Variants in PLAGL1 observed in about 807,000 individuals in gnomAD.
PLAGL1 encodes zinc finger protein PLAGL1.
Under a neutral mutation model 4.6 loss-of-function variants are expected in PLAGL1, and 1 was observed. The ratio of observed to expected loss-of-function variants is 0.22; its 90% CI spans 0.08 to 1.03. The LOEUF (loss-of-function observed/expected upper bound fraction) is 1.03, where lower values mean the gene tolerates loss of function less well. Among genes scored for constraint, PLAGL1 ranks in the 50% least tolerant of loss-of-function variants. PLAGL1 has a pLI of 0.58. For synonymous variants in PLAGL1, 240 were observed against 237.8 expected (o/e 1.01, Z -0.08); for missense variants, 464 against 570.4 (o/e 0.81, Z 1.90).
chr6:144,023,497 T>G (rs181864879), intron 1 of PLAGL1, among the ~76,000 whole-genome samples: 2 of 152,230 alleles, frequency 1.3e-5, no homozygotes, highest in East Asian at 3.9e-4. Flanking sequence ...CTGATCTAAG[T>G]AACTTTGGAA....
chr6:143,985,376 G>A lies in PLAGL1; in HGVS notation c.-583-202C>T, dbSNP rs1180856871. On this transcript the variant is annotated intron_variant, in intron 1 of 7. Transcript: ENST00000674357. This position sits in a 1 kb window ranked among gnomAD's most constrained non-coding sequence, Gnocchi z 4.4. The stretch of plus-strand genomic sequence containing the variant: ...TTAATACCATCTACTAGTCTATCGC[G>A]ATTTCCCATTTAATTGTATTAGTGT... 6.6e-6 allele frequency among the ~76,000 whole-genome samples: 1 copy of A among 151,986 alleles called. No individual in the cohort carries two copies. The highest frequency in any genetic ancestry group is 6.6e-5 in the Admixed American group (1 of 15,236).
At position 143,942,929 on chromosome 6, in the gene PLAGL1, G is replaced by C. The variant is rs1382183617; in HGVS notation, c.153-266C>G. On this transcript the variant is annotated intron_variant, in intron 7 of 7. Transcript: ENST00000674357. The surrounding 1 kb of genome is among the most constrained non-coding windows in gnomAD (Gnocchi z 7.6). ...TGCCCAGGCTGGAGTGCAGTGGCAC[G>C]ATCATGGCTCACTGCAGCCTCAACG... 6.6e-6 allele frequency among the ~76,000 whole-genome samples: 1 copy of C among 151,752 alleles called. No homozygotes were observed. The highest frequency in any genetic ancestry group is 2.4e-5 in the African/African-American group (1 of 41,276).
chr6:144,052,454 G>C (rs1798643801), intron 1 of PLAGL1, among the ~76,000 whole-genome samples: 1 of 152,192 alleles, frequency 6.6e-6, no homozygotes, highest in African/African-American at 2.4e-5. Context: ...ATTTTGTAGA[G>C]ATCTAATTTT....
rs1234875744 is a variant in PLAGL1, at chr6:144,016,761, T to C, written c.-151+47707A>G. Among the ~76,000 whole-genome samples the C allele has an allele frequency of 1.3e-5, 2 of 152,244 alleles. No homozygotes were observed. Among genetic ancestry groups the C allele is most frequent in the Non-Finnish European group, 2.9e-5 (2 of 68,036 alleles). On this transcript the variant is annotated intron_variant, in intron 1 of 3. Coordinates refer to the PLAGL1 transcript ENST00000437412. This position sits in a 1 kb window ranked among gnomAD's most constrained non-coding sequence, Gnocchi z 4.2. The stretch of plus-strand genomic sequence containing the variant: ...CCACTTGATTACATGCAAATCATAC[T>C]TCAGTAAGTGTCATTAAATTATTTC...
intron 1 of PLAGL1, among the ~76,000 whole-genome samples, chr6:144,038,485 T>C (rs1160814747): frequency 2.0e-5 from 3 of 152,206 alleles, no homozygotes; most frequent in Non-Finnish European, 4.4e-5. Context: ...AGGCTAGCTA[T>C]AGATTAATGA....
rs1783718848 is a variant in PLAGL1 at position 143,963,187 on chromosome 6, A to G, written c.-399+1600T>C. ...GTCTTCTACCTTCTCACATTAATAC[A>G]TGATCTCCCTGGGGGACCCCATGCA... On this transcript the variant is annotated intron_variant, in intron 5 of 7. Coordinates refer to ENST00000674357, the MANE Select transcript of PLAGL1 (RefSeq NM_001317162.2). The surrounding 1 kb of genome is among the most constrained non-coding windows in gnomAD (Gnocchi z 6.1). Among the ~76,000 whole-genome samples, 1 of 152,198 alleles carries G rather than the reference A, an allele frequency of 6.6e-6. No homozygotes were observed. The highest frequency in any genetic ancestry group is 1.5e-5 in the Non-Finnish European group (1 of 68,034).
intron 1 of PLAGL1, among the ~76,000 whole-genome samples, chr6:144,029,082 A>G (rs898673926): frequency 3.2e-4 from 49 of 152,208 alleles, no homozygotes; most frequent in African/African-American, 1.2e-3. Context: ...TATTATTTAT[A>G]CGAGTTGCAT....
At chr6:143,976,414 C>T (rs1043308966) in intron 2 of PLAGL1, among the ~76,000 whole-genome samples, 76 of 150,898 alleles carry the variant, frequency 5.0e-4, no homozygotes, top group African/African-American at 1.8e-3. Context: ...CATCCAAGGC[C>T]TTGATATTAA....
At chr6:144,023,111 C>T (rs897960351) in intron 1 of PLAGL1, among the ~76,000 whole-genome samples, 2 of 152,066 alleles carry the variant, frequency 1.3e-5, no homozygotes, top group Admixed American at 1.3e-4. Flanking sequence ...ATGCATACTG[C>T]TAAGAAAAAG....
At position 143,945,803 on chromosome 6, in the gene PLAGL1, C is replaced by T. The variant is rs1041935683; in HGVS notation, c.152+2182G>A. 6.6e-6 allele frequency among the ~76,000 whole-genome samples: 1 copy of T among 152,156 alleles called. No homozygotes were observed. Among genetic ancestry groups the T allele is most frequent in the Non-Finnish European group, 1.5e-5 (1 of 68,038 alleles). ...ACCGAAAGCATCCTGCCATCTCACA[C>T]TCTTCCAGTCCTTTACTATATCACT... On this transcript the variant is annotated intron_variant, in intron 7 of 7. Coordinates refer to ENST00000674357, the MANE Select transcript of PLAGL1 (RefSeq NM_001317162.2). This position sits in a 1 kb window ranked among gnomAD's most constrained non-coding sequence, Gnocchi z 4.2.
At chr6:144,009,512 GCTTT>G (rs944680427), upstream of PLAGL1, among the ~76,000 whole-genome samples, 1 of 152,102 alleles carries the variant, frequency 6.6e-6, no homozygotes, top group African/African-American at 2.4e-5. Flanking sequence ...GATGGCAATT[GCTTT>G]ATTTATTTTT....
rs1784905180 is a variant in PLAGL1 at position 143,968,879 on chromosome 6, T to G, written c.-472+28A>C. 6.6e-6 allele frequency: 1 copy of G among 151,618 alleles called. No individual in the cohort carries two copies. The highest frequency in any genetic ancestry group is 1.9e-4 in the East Asian group (1 of 5,166). 9.4% of individuals were successfully genotyped at this position (151,618 alleles called of 1,614,324 possible). On this transcript the variant is annotated intron_variant, in intron 3 of 7. Coordinates refer to ENST00000674357, the MANE Select transcript of PLAGL1 (RefSeq NM_001317162.2). The surrounding 1 kb of genome is among the most constrained non-coding windows in gnomAD (Gnocchi z 6.3). The stretch of plus-strand genomic sequence containing the variant: ...TGGCAGGAGCACTGGGGGGCAGGAG[T>G]TGGAGGGTTCCGCATAGACGTATTT...
rs34570725 is a variant in PLAGL1 at position 144,037,415 on chromosome 6, CAA to C, written c.-151+27051_-151+27052del. On this transcript the variant is annotated intron_variant, in intron 1 of 3. Transcript: ENST00000437412. ...CAACACGGTGAAGCCCCATCTCTAC[CAA>C]AAAAAAAAAAAAAAAAAAAAAATAG... 145 of 88,142 alleles carry C rather than the reference CAA, an allele frequency of 1.6e-3. No homozygotes were observed. The Middle Eastern group carries it at 0.017, about 11-fold the overall frequency. 5.5% of individuals were successfully genotyped at this position (88,142 alleles called of 1,614,324 possible). A position where few individuals can be genotyped will look rare whatever the true frequency, so the allele number is the denominator to read the frequency against.
rs757290346 is a variant in PLAGL1 at position 144,048,932 on chromosome 6, A to T, written c.-151+15536T>A. Among the ~76,000 whole-genome samples the T allele has an allele frequency of 3.3e-5, 5 of 152,176 alleles. No homozygotes were observed. Among genetic ancestry groups the T allele is most frequent in the Non-Finnish European group, 7.4e-5 (5 of 68,024 alleles). On this transcript the variant is annotated intron_variant, in intron 1 of 3. Coordinates refer to the PLAGL1 transcript ENST00000437412. The surrounding 1 kb of genome is among the most constrained non-coding windows in gnomAD (Gnocchi z 4.8). ...GCTTCCCTTTTAAATCCAAATTCCA[A>T]TTTCAAACCATCTCTTTGTGAATGC...
At chr6:143,974,330 C>T (rs531244019) in intron 2 of PLAGL1, among the ~76,000 whole-genome samples, 7 of 150,720 alleles carry the variant, frequency 4.6e-5, no homozygotes, top group Admixed American at 2.0e-4. Context: ...TGAACCCACT[C>T]GGTGAGGCAG....
rs1780238354 is a variant in PLAGL1, at chr6:143,948,245, G to A, written c.-109C>T. On this transcript the variant is annotated 5_prime_UTR_variant, in exon 7 of 8. An upstream open reading frame in the 5' UTR gains an earlier in-frame stop. Transcript: ENST00000674357. This position sits in a 1 kb window ranked among gnomAD's most constrained non-coding sequence, Gnocchi z 6.0. Reference sequence around the variant, plus strand: ...GCACATCAGCAGAGTCCCTGCAGCTGAACTCCAGACCACGGGAGAGGCAGC... The same window carrying A: ...GCACATCAGCAGAGTCCCTGCAGCTAAACTCCAGACCACGGGAGAGGCAGC... The A allele has an allele frequency of 2.0e-6, 2 of 1,001,758 alleles. No homozygotes were observed. Among genetic ancestry groups the A allele is most frequent in the East Asian group, 2.6e-5 (1 of 39,028 alleles). 62.1% of individuals were successfully genotyped at this position (1,001,758 alleles called of 1,614,324 possible). A position where few individuals can be genotyped will look rare whatever the true frequency, so the allele number is the denominator to read the frequency against.
At chr6:144,002,267 A>G (rs553716123) in intron 1 of PLAGL1, among the ~76,000 whole-genome samples, 1 of 152,282 alleles carries the variant, frequency 6.6e-6, no homozygotes, top group African/African-American at 2.4e-5. Flanking sequence ...AACAGAAGAA[A>G]ATTTCCTCAA....
chr6:144,003,106 C>T (rs1192697279), intron 1 of PLAGL1, among the ~76,000 whole-genome samples: 2 of 151,914 alleles, frequency 1.3e-5, no homozygotes, highest in Non-Finnish European at 2.9e-5. Context: ...GAAACAGACC[C>T]AAATATATGA....
At chr6:143,967,541 T>C (rs1205118318) in intron 3 of PLAGL1, 1 of 152,210 alleles carries the variant, frequency 6.6e-6, no homozygotes, top group Non-Finnish European at 1.5e-5. Context: ...ATTCCTAGAT[T>C]CTTAAGCAGT....
Sources: allele counts gnomAD v4.1 joint callset (sites outside exome capture counted in the v4.1 genomes callset), GRCh38; gene constraint gnomAD v4.1.1; non-coding constraint Gnocchi (gnomAD v3.1); transcripts MANE v1.5; gene names NCBI Gene and HGNC (gene_info 2026-07-23, HGNC 2026-07-21).